NBEA: variants seen among roughly 807,000 people sequenced by gnomAD.
NBEA encodes lysosomal-trafficking regulator 2.
A neutral mutation model predicts 343.4 loss-of-function variants in NBEA; 44 were observed. The observed-to-expected ratio is 0.13, with a 90% confidence interval of 0.10 to 0.16. NBEA has a LOEUF of 0.16. Ranked by LOEUF, NBEA falls within the 10% of genes least tolerant of loss-of-function variation. The pLI is 1.00. For missense variants in NBEA, 2,555 were observed against 3,631.3 expected (o/e 0.70, Z 7.62); for synonymous variants, 1,175 against 1,238.7 (o/e 0.95, Z 1.08).
At chr13:34,960,043 G>T (rs1042647479) in intron 1 of NBEA, among the ~76,000 whole-genome samples, 1 of 152,090 alleles carries the variant, frequency 6.6e-6, no homozygotes, top group African/African-American at 2.4e-5. Flanking sequence ...CTTGCAGGAG[G>T]TATTCCAGAA....
chr13:35,260,255 AGAGGCAGT>A (rs2033086632), intron 34 of NBEA, among the ~76,000 whole-genome samples: 1 of 152,228 alleles, frequency 6.6e-6, no homozygotes, highest in African/African-American at 2.4e-5. Flanking sequence ...ACAGGGAAAA[AGAGGCAGT>A]GACATAGTGT....
chr13:35,452,027 A>C (rs1242956640), intron 39 of NBEA, 65 bp from the exon 40 acceptor site: 2 of 1,145,586 alleles, frequency 1.7e-6, no homozygotes, highest in Non-Finnish European at 1.3e-6. Context: ...TCAATTATTT[A>C]TAATACCTAC....
At chr13:35,384,953 C>G (rs1397181746) in intron 38 of NBEA, among the ~76,000 whole-genome samples, 1 of 152,194 alleles carries the variant, frequency 6.6e-6, no homozygotes, top group Non-Finnish European at 1.5e-5. Context: ...AAACAGGATT[C>G]AGTCTGAAAA....
At chr13:35,089,350 C>T (rs1352610972) in intron 10 of NBEA, among the ~76,000 whole-genome samples, 1 of 151,196 alleles carries the variant, frequency 6.6e-6, no homozygotes, top group Admixed American at 6.6e-5. Context: ...CAAATCAAAA[C>T]TGCAATGAGA....
intron 41 of NBEA, among the ~76,000 whole-genome samples, chr13:35,504,690 T>A (rs1566235348): frequency 6.6e-6 from 1 of 152,176 alleles, no homozygotes; most frequent in Non-Finnish European, 1.5e-5. Flanking sequence ...TAGAGTGCAC[T>A]GGCACAATTA....
At chr13:35,255,625 A>G (rs2032500164) in intron 34 of NBEA, among the ~76,000 whole-genome samples, 2 of 152,204 alleles carry the variant, frequency 1.3e-5, no homozygotes, top group South Asian at 4.1e-4. Flanking sequence ...TGTCTGGATG[A>G]GGGCAAGATG....
At chr13:35,071,398 G>A (rs978663586) in intron 10 of NBEA, among the ~76,000 whole-genome samples, 2 of 151,778 alleles carry the variant, frequency 1.3e-5, no homozygotes, top group Non-Finnish European at 2.9e-5. Flanking sequence ...CCATGTTTAT[G>A]TAAAAATTAA....
chr13:35,564,010 A>G (rs1328671065), intron 44 of NBEA, among the ~76,000 whole-genome samples: 2 of 151,976 alleles, frequency 1.3e-5, no homozygotes, highest in Non-Finnish European at 2.9e-5. Flanking sequence ...CCCAATAGGT[A>G]GTTTTTGGAT....
At chr13:35,599,260 CT>C (rs1397818014) in intron 47 of NBEA, among the ~76,000 whole-genome samples, 1 of 152,214 alleles carries the variant, frequency 6.6e-6, no homozygotes, top group Non-Finnish European at 1.5e-5. Context: ...TAGCACTCCA[CT>C]TTGAGGATTC....
At chr13:35,139,091 A>G (rs1352879484) in intron 17 of NBEA, among the ~76,000 whole-genome samples, 2 of 109,366 alleles carry the variant, frequency 1.8e-5, no homozygotes, top group Admixed American at 2.8e-4. Context: ...GACAGAGCCT[A>G]ACTCTGTTGC....
intron 34 of NBEA, among the ~76,000 whole-genome samples, chr13:35,244,874 G>A (rs1342553645): frequency 6.6e-6 from 1 of 151,964 alleles, no homozygotes; most frequent in African/African-American, 2.4e-5. Context: ...ATTGTAAAGG[G>A]GTTGAGTTCT....
At chr13:35,054,647 T>TC (rs1342875145) in intron 6 of NBEA, among the ~76,000 whole-genome samples, 10 of 147,582 alleles carry the variant, frequency 6.8e-5, no homozygotes, top group South Asian at 2.1e-4. Context: ...TCTTTTCTTT[T>TC]TTTTTTTTTT....
intron 1 of NBEA, among the ~76,000 whole-genome samples, chr13:34,993,247 A>T (rs2060825713): frequency 6.6e-6 from 1 of 151,952 alleles, no homozygotes. Context: ...CCGAAATATT[A>T]TTTTTTCAGT....
At chr13:35,120,272 A>G (rs1404788763) in intron 16 of NBEA, among the ~76,000 whole-genome samples, 1 of 152,208 alleles carries the variant, frequency 6.6e-6, no homozygotes, top group African/African-American at 2.4e-5. Flanking sequence ...ATGGTACGAA[A>G]GAACTAATTA....
chr13:35,201,870 C>G (rs2152745879), intron 31 of NBEA, among the ~76,000 whole-genome samples: 1 of 152,200 alleles, frequency 6.6e-6, no homozygotes. Flanking sequence ...TGGATTCTTT[C>G]TGTTACCTCC....
chr13:35,487,611 T>TA (rs751650159), intron 41 of NBEA, among the ~76,000 whole-genome samples: 2 of 151,782 alleles, frequency 1.3e-5, no homozygotes, highest in Non-Finnish European at 2.9e-5. Flanking sequence ...ATGAGAAACT[T>TA]ACTACCTACT....
intron 18 of NBEA, among the ~76,000 whole-genome samples, chr13:35,145,699 C>G (rs914424977): frequency 6.6e-6 from 1 of 152,150 alleles, no homozygotes; most frequent in African/African-American, 2.4e-5. Context: ...TAAAGGGATA[C>G]AAAAGAAAGC....
chr13:34,990,126 G>A (rs1254688672), intron 1 of NBEA, among the ~76,000 whole-genome samples: 1 of 151,022 alleles, frequency 6.6e-6, no homozygotes, highest in African/African-American at 2.4e-5. Context: ...GAATGCCTGT[G>A]GCTTTTCTAG....
Position 35,238,455 on chromosome 13 carries a change from C to T in NBEA, c.5776+5836C>T, listed in dbSNP as rs139096962. ...TTACTTTCCTCCCAGACCAACTTCT[C>T]TTGCTTAGTCATCAGAACATCTCTT... On this transcript the variant is annotated intron_variant, in intron 34 of 58. Transcript: ENST00000379939. 4.1e-4 allele frequency among the ~76,000 whole-genome samples: 62 copies of T among 152,348 alleles called. No individual in the cohort carries two copies. In the East Asian group the frequency reaches 0.011, roughly 27 times the overall value.
Sources: allele counts gnomAD v4.1 joint callset (sites outside exome capture counted in the v4.1 genomes callset), GRCh38; gene constraint gnomAD v4.1.1; transcripts MANE v1.5; gene names NCBI Gene and HGNC (gene_info 2026-07-23, HGNC 2026-07-21).